The following RIOK1 variants were observed in gnomAD, a reference collection of about 807,000 sequenced individuals.
RIOK1 encodes serine/threonine-protein kinase RIO1.
Under a neutral mutation model 73.5 loss-of-function variants are expected in RIOK1, and 66 were observed. The ratio of observed to expected loss-of-function variants is 0.90; its 90% CI spans 0.74 to 1.10. The LOEUF (loss-of-function observed/expected upper bound fraction) is 1.10. Ranked by LOEUF, RIOK1 falls within the 50% of genes least tolerant of loss-of-function variation. The pLI, the probability that RIOK1 is intolerant of heterozygous loss-of-function variation, is 0.00. For synonymous variants in RIOK1, 224 were observed against 226.8 expected (o/e 0.99, Z 0.11); for missense variants, 658 against 699.8 (o/e 0.94, Z 0.67).
chr6:7,404,391 A>G (rs762791010), intron 9 of RIOK1, 27 bp from the exon 10 acceptor site: 9 of 1,612,058 alleles, frequency 5.6e-6, no homozygotes, highest in Middle Eastern at 1.6e-4. Context: ...GTTCTTGGTC[A>G]TTTTATCTTA....
chr6:7,406,578 A>G (rs1761750539), intron 12 of RIOK1, among the ~76,000 whole-genome samples: 1 of 152,148 alleles, frequency 6.6e-6, no homozygotes, highest in African/African-American at 2.4e-5. Context: ...GGAATCATAT[A>G]GTATTTGTCT....
intron 4 of RIOK1, among the ~76,000 whole-genome samples, chr6:7,397,178 C>G (rs1393412174): frequency 6.6e-6 from 1 of 152,160 alleles, no homozygotes; most frequent in Non-Finnish European, 1.5e-5. Context: ...GTGTGAGAAT[C>G]TCTTGAACCT....
chr6:7,396,547 T>G (rs1395221988), intron 3 of RIOK1, among the ~76,000 whole-genome samples, 156 bp from the exon 4 acceptor site: 1 of 152,206 alleles, frequency 6.6e-6, no homozygotes, highest in African/African-American at 2.4e-5. Context: ...TTTAAAAACA[T>G]TACATTGTTT....
chr6:7,417,458 T>C lies in RIOK1; in HGVS notation c.*17T>C, dbSNP rs774880605. On this transcript the variant is annotated 3_prime_UTR_variant, in exon 17 of 17. Transcript: ENST00000379834. ...GGCAAATAGAATGAGAACCATATTA[T>C]GTACAGTCATTTTCCTCAGTTCCTT... 4.2e-6 allele frequency: 6 copies of C among 1,425,856 alleles called. No individual in the cohort carries two copies. In the South Asian group the frequency reaches 5.4e-5, roughly 13 times the overall value. The allele number at this position is 1,425,856 out of a possible 1,614,324, so 88.3% of individuals were successfully genotyped here.
intron 13 of RIOK1, 35 bp from the exon 14 acceptor site, chr6:7,411,297 A>G (rs1371833154): frequency 1.9e-6 from 3 of 1,609,912 alleles, no homozygotes; most frequent in Admixed American, 1.7e-5. Flanking sequence ...AAGTGTATGA[A>G]TAACAGTTTT....
intron 15 of RIOK1, among the ~76,000 whole-genome samples, chr6:7,413,917 A>G (rs895217080): frequency 3.3e-5 from 5 of 152,168 alleles, no homozygotes; most frequent in Non-Finnish European, 5.9e-5. Context: ...ACCTCTATGT[A>G]TATTTTGCCT....
At chr6:7,395,766 G>A (rs1198284382) in intron 3 of RIOK1, among the ~76,000 whole-genome samples, 4 of 151,322 alleles carry the variant, frequency 2.6e-5, no homozygotes, top group Non-Finnish European at 4.4e-5. Context: ...CTAGAGTGCA[G>A]TGGCACGATC....
intron 1 of RIOK1, among the ~76,000 whole-genome samples, chr6:7,390,734 T>C (rs942492): frequency 0.5 from 75,824 of 151,974 alleles, 20,183 homozygotes; most frequent in Middle Eastern, 0.63. Flanking sequence ...GATAGAGAAG[T>C]AAGAAGGGGG....
At chr6:7,403,238 A>G (rs886293188) in intron 8 of RIOK1, among the ~76,000 whole-genome samples, 1 of 152,266 alleles carries the variant, frequency 6.6e-6, no homozygotes, top group African/African-American at 2.4e-5. Context: ...GATTTTAATC[A>G]GGAAAGTGAC....
chr6:7,403,384 T>G (rs1275407767), intron 8 of RIOK1, among the ~76,000 whole-genome samples: 2 of 152,232 alleles, frequency 1.3e-5, no homozygotes, highest in East Asian at 3.8e-4. Context: ...TTTTATATTC[T>G]TTGTTTGCAC....
chr6:7,409,317 C>T (rs1031131811), intron 12 of RIOK1, among the ~76,000 whole-genome samples: 3 of 151,722 alleles, frequency 2.0e-5, no homozygotes, highest in East Asian at 1.9e-4. Flanking sequence ...TACAGTGGCA[C>T]GATCTCGGCT....
In RIOK1 at chr6:7,395,045, C is replaced by G; in HGVS notation, c.277-8C>G. 1 of 1,613,532 alleles carries G rather than the reference C, an allele frequency of 6.2e-7. No homozygotes were observed. Among genetic ancestry groups the G allele is most frequent in the South Asian group, 1.1e-5 (1 of 90,996 alleles). ...GCTAGTGCCTTAGACTCTGGAATTC[C>G]CTTCTAGGCAAATCGACAGACCTCC... On this transcript the variant is annotated splice_region_variant and splice_polypyrimidine_tract_variant and intron_variant, in intron 2 of 16. Transcript: ENST00000379834.
At position 7,389,959 on chromosome 6, in the gene RIOK1, C is replaced by G. The variant is rs1761283896; in HGVS notation, c.-44C>G. On this transcript the variant is annotated 5_prime_UTR_variant, in exon 1 of 17. Coordinates refer to ENST00000379834, the MANE Select transcript of RIOK1 (RefSeq NM_031480.3). Reference sequence around the variant, plus strand: ...CGTGGGTACATCCGTCTGAGCCGTTCCTTTCCATCGCAGAGCGGCGGCCTC... The same window carrying G: ...CGTGGGTACATCCGTCTGAGCCGTTGCTTTCCATCGCAGAGCGGCGGCCTC... 4 of 1,498,066 alleles carry G rather than the reference C, an allele frequency of 2.7e-6. No homozygotes were observed. Among genetic ancestry groups the G allele is most frequent in the Non-Finnish European group, 3.6e-6 (4 of 1,100,976 alleles). The allele number at this position is 1,498,066 out of a possible 1,614,324, so 92.8% of individuals were successfully genotyped here.
intron 5 of RIOK1, among the ~76,000 whole-genome samples, chr6:7,399,330 T>A (rs373546980): frequency 2.2e-4 from 34 of 152,188 alleles, no homozygotes; most frequent in African/African-American, 7.5e-4. Flanking sequence ...CACCACCCCC[T>A]CCCATATACA....
chr6:7,395,200 T>G (rs1012944524), intron 3 of RIOK1, 57 bp downstream of exon 3: 1 of 1,546,018 alleles, frequency 6.5e-7, no homozygotes, highest in African/African-American at 1.4e-5. Context: ...AACCATGGAG[T>G]GTTGTATAAT....
At chr6:7,391,874 C>T (rs562706236) in intron 1 of RIOK1, among the ~76,000 whole-genome samples, 10 of 152,184 alleles carry the variant, frequency 6.6e-5, no homozygotes, top group Non-Finnish European at 1.3e-4. Flanking sequence ...TGTATGAAGT[C>T]CTGGTAAGTA....
rs1761305005 is a variant in RIOK1 at position 7,390,500 on chromosome 6, A to C, written c.71+427A>C. On this transcript the variant is annotated intron_variant, in intron 1 of 16. Transcript: ENST00000379834. Reference sequence around the variant, plus strand: ...ACCTTCTACGTGAAAGAGAGGGCACACCATTTAAAAACCAAATAATGATGT... The same window carrying C: ...ACCTTCTACGTGAAAGAGAGGGCACCCCATTTAAAAACCAAATAATGATGT... Among the ~76,000 whole-genome samples, 3 of 152,236 alleles carry C rather than the reference A, an allele frequency of 2.0e-5. No homozygotes were observed. The South Asian group carries it at 6.2e-4, about 31-fold the overall frequency.
intron 12 of RIOK1, among the ~76,000 whole-genome samples, chr6:7,407,487 C>CTT (rs759245691): frequency 2.1e-5 from 3 of 140,346 alleles, no homozygotes; most frequent in Admixed American, 7.1e-5. Context: ...GGAGAAATGT[C>CTT]TTTTTTTTTT....
In RIOK1 at chr6:7,417,518, T is replaced by C. The variant is rs537369131; in HGVS notation, c.*77T>C. 4.6e-6 allele frequency: 4 copies of C among 875,804 alleles called. No individual in the cohort carries two copies. Among genetic ancestry groups the C allele is most frequent in the East Asian group, 2.7e-5 (1 of 36,566 alleles). 54.3% of individuals were successfully genotyped at this position (875,804 alleles called of 1,614,324 possible). A position where few individuals can be genotyped will look rare whatever the true frequency, so the allele number is the denominator to read the frequency against. ...GAACTCTTAAGCTGCATCTGGAAGA[T>C]GGCTTATTGGTTTTAACCAGATTGT... On this transcript the variant is annotated 3_prime_UTR_variant, in exon 17 of 17. Transcript: ENST00000379834.
Sources: allele counts gnomAD v4.1 joint callset (sites outside exome capture counted in the v4.1 genomes callset), GRCh38; gene constraint gnomAD v4.1.1; transcripts MANE v1.5; gene names NCBI Gene and HGNC (gene_info 2026-07-23, HGNC 2026-07-21).